Variants in NLRP14 observed in about 807,000 individuals in gnomAD.
NLRP14 encodes the protein NACHT, LRR and PYD domains-containing protein 14.
NLRP14 carries 105 observed loss-of-function variants against 94.7 expected under a neutral mutation model. That is an observed-to-expected ratio of 1.11 (90% CI 0.95 to 1.30). The LOEUF (loss-of-function observed/expected upper bound fraction) is 1.30, where lower values mean the gene tolerates loss of function less well. Among genes scored for constraint, NLRP14 ranks in the 50% most tolerant of loss-of-function variants. NLRP14 has a pLI of 0.00. For synonymous variants in NLRP14, 508 were observed against 459.9 expected (o/e 1.10, Z -1.34); for missense variants, 1,362 against 1,254.1 (o/e 1.09, Z -1.30).
chr11:7,069,365 A>G (rs1402861831), intron 10 of NLRP14, among the ~76,000 whole-genome samples: 1 of 152,196 alleles, frequency 6.6e-6, no homozygotes, highest in East Asian at 1.9e-4. Context: ...CATAAGGTGA[A>G]AATTAGATTC....
In NLRP14 at chr11:7,034,442, C is replaced by T. The variant is rs559374342; in HGVS notation, c.-21-4124C>T. Among the ~76,000 whole-genome samples the T allele has an allele frequency of 4.6e-5, 7 of 152,152 alleles. No individual in the cohort carries two copies. In the South Asian group the frequency reaches 8.3e-4, roughly 18 times the overall value. On this transcript the variant is annotated intron_variant, in intron 1 of 11. Transcript: ENST00000299481. ...GCAGTTTCTCAGAGGAGCCCTGATT[C>T]CTTTTATTGGCAAATGGTACAGTTA...
At chr11:7,029,740 T>C (rs1852065558) in intron 1 of NLRP14, among the ~76,000 whole-genome samples, 1 of 152,216 alleles carries the variant, frequency 6.6e-6, no homozygotes, top group Admixed American at 6.5e-5. Flanking sequence ...ATTCAGCACA[T>C]TATAGCAATT....
At chr11:7,021,413 T>G (rs1372253123) in intron 1 of NLRP14, among the ~76,000 whole-genome samples, 4 of 152,138 alleles carry the variant, frequency 2.6e-5, no homozygotes, top group Non-Finnish European at 5.9e-5. Flanking sequence ...CTTGCATTTT[T>G]TATGACTCTG....
At chr11:7,023,940 A>G (rs368247723) in intron 1 of NLRP14, among the ~76,000 whole-genome samples, 58 of 152,234 alleles carry the variant, frequency 3.8e-4, no homozygotes, top group African/African-American at 1.4e-3. Context: ...CCATTACCCA[A>G]ATACCACCCA....
chr11:7,078,530 C>T, the NLRP14 span, among the ~76,000 whole-genome samples: 2 of 150,306 alleles, frequency 1.3e-5, no homozygotes. Context: ...TGGCTCACAC[C>T]TGTAATCCCA....
In NLRP14 at chr11:7,039,699, C is replaced by T. The variant is rs199498470; in HGVS notation, c.290-15C>T. ...TTTTCATTAAATATCATGATCCTAT[C>T]GGAACCTGTTGCAGGGTCGGCCCAG... On this transcript the variant is annotated splice_polypyrimidine_tract_variant and intron_variant, in intron 2 of 11. Coordinates refer to ENST00000299481, the MANE Select transcript of NLRP14 (RefSeq NM_176822.4). 3.6e-5 allele frequency: 58 copies of T among 1,604,180 alleles called. No homozygotes were observed. The highest frequency in any genetic ancestry group is 4.2e-5 in the Non-Finnish European group (49 of 1,170,956).
chr11:7,059,554 A>G (rs1393380477), intron 8 of NLRP14, among the ~76,000 whole-genome samples: 1 of 152,002 alleles, frequency 6.6e-6, no homozygotes, highest in Non-Finnish European at 1.5e-5. Flanking sequence ...ACATACAAAG[A>G]GTACTTACTT....
chr11:7,028,917 C>A (rs1852053125), intron 1 of NLRP14, among the ~76,000 whole-genome samples: 1 of 151,954 alleles, frequency 6.6e-6, no homozygotes, highest in South Asian at 2.1e-4. Flanking sequence ...AAGATCAATA[C>A]CCACTAAATA....
At chr11:7,052,109 A>G (rs1443160147) in intron 6 of NLRP14, among the ~76,000 whole-genome samples, 2 of 152,200 alleles carry the variant, frequency 1.3e-5, no homozygotes, top group African/African-American at 4.8e-5. Flanking sequence ...ACCAAAAACA[A>G]AAACAGAAAC....
intron 5 of NLRP14, among the ~76,000 whole-genome samples, chr11:7,047,952 G>C (rs1852384065): frequency 6.6e-6 from 1 of 150,608 alleles, no homozygotes; most frequent in African/African-American, 2.4e-5. Flanking sequence ...TAGAGACAGG[G>C]TTTCACCATG....
chr11:7,052,991 A>G (rs1292963401), intron 6 of NLRP14, among the ~76,000 whole-genome samples: 3 of 152,192 alleles, frequency 2.0e-5, no homozygotes, highest in Admixed American at 2.0e-4. Flanking sequence ...CATGATATAT[A>G]TGTATACACA....
chr11:7,076,615 CAG>C, the NLRP14 span, among the ~76,000 whole-genome samples: 1 of 152,130 alleles, frequency 6.6e-6, no homozygotes, highest in African/African-American at 2.4e-5. Context: ...ATCGCCTCCT[CAG>C]AGAGGTTGAG....
At chr11:7,089,246 C>T in the NLRP14 span, 832 of 1,612,380 alleles carry the variant, frequency 5.2e-4, no homozygotes, top group Non-Finnish European at 6.3e-4. Flanking sequence ...TGATGAAAGA[C>T]CGAGAAACCA....
intron 10 of NLRP14, among the ~76,000 whole-genome samples, chr11:7,068,335 A>G (rs1039587375): frequency 2.0e-5 from 3 of 152,156 alleles, no homozygotes; most frequent in Non-Finnish European, 2.9e-5. Context: ...TTCTTCTCCA[A>G]CAAAGATATT....
intron 6 of NLRP14, among the ~76,000 whole-genome samples, chr11:7,055,734 C>T (rs1589868042): frequency 6.6e-6 from 1 of 152,236 alleles, no homozygotes; most frequent in East Asian, 1.9e-4. Flanking sequence ...AACATGGGTT[C>T]TCTAAGTCAA....
chr11:7,075,780 A>G (rs1565030512), downstream of NLRP14, among the ~76,000 whole-genome samples: 2 of 152,200 alleles, frequency 1.3e-5, no homozygotes, highest in South Asian at 4.1e-4. Context: ...TTAAAGAACA[A>G]TGATCCTTAG....
At chr11:7,049,485 A>C (rs1416604826) in intron 5 of NLRP14, among the ~76,000 whole-genome samples, 186 bp from the exon 6 acceptor site, 1 of 152,204 alleles carries the variant, frequency 6.6e-6, no homozygotes. Flanking sequence ...TTAAGGTAAA[A>C]AAAACTGGGG....
At position 7,038,608 on chromosome 11, in the gene NLRP14, T is replaced by G. The variant is rs577221710; in HGVS notation, c.22T>G (p.Ser8Ala). Residue 8 changes from serine to alanine, a missense_variant, in exon 2 of 12, where the codon TCT becomes GCT. Ser to Ala is a moderately conservative substitution (Grantham distance 99). Coordinates refer to ENST00000299481, the MANE Select transcript of NLRP14 (RefSeq NM_176822.4). MADSSSS[S>A]FFPDFGLLLY... is the part of the protein sequence containing the mutation. ...CAAGATGGCAGATTCATCATCATCT[T>G]CTTTCTTTCCTGATTTTGGGCTGCT... 1 of 1,614,046 alleles carries G rather than the reference T, an allele frequency of 6.2e-7. No individual in the cohort carries two copies. Among genetic ancestry groups the G allele is most frequent in the Non-Finnish European group, 8.5e-7 (1 of 1,180,022 alleles).
chr11:7,067,966 T>C (rs1053382229), intron 10 of NLRP14, among the ~76,000 whole-genome samples: 2 of 152,156 alleles, frequency 1.3e-5, no homozygotes, highest in Non-Finnish European at 2.9e-5. Flanking sequence ...GATTCAATTT[T>C]TTAAATAATT....
Sources: gnomAD v4.1 joint callset for allele counts (sites outside exome capture counted in the v4.1 genomes callset) on GRCh38, gnomAD v4.1.1 for gene constraint, MANE v1.5 for transcripts, NCBI Gene and HGNC (gene_info 2026-07-23, HGNC 2026-07-21) for gene names.